The following CCDC150 variants were observed in gnomAD, a reference collection of about 807,000 sequenced individuals.
CCDC150 encodes the protein coiled-coil domain containing 150, also known as coiled-coil domain-containing protein 150.
In CCDC150, 151 loss-of-function variants were observed where a neutral mutation model predicts 156.5. That is an observed-to-expected ratio of 0.97 (90% confidence interval 0.85 to 1.10). The LOEUF is 1.10. CCDC150 is among the 50% of genes least tolerant of loss of function. The probability of loss-of-function intolerance (pLI) is 0.00; values close to 1 mark genes in which losing one functional copy is unlikely to be tolerated. For missense variants in CCDC150, 1,312 were observed against 1,268.1 expected (o/e 1.03, Z -0.53); for synonymous variants, 452 against 429.4 (o/e 1.05, Z -0.65).
chr2:196,728,208 T>G (rs1344493706), intron 22 of CCDC150, among the ~76,000 whole-genome samples: 1 of 152,176 alleles, frequency 6.6e-6, no homozygotes, highest in African/African-American at 2.4e-5. Context: ...TCACAGTGCC[T>G]GAACATAATA....
intron 13 of CCDC150, among the ~76,000 whole-genome samples, chr2:196,684,012 C>T (rs1445513407): frequency 1.3e-5 from 2 of 151,490 alleles, no homozygotes; most frequent in African/African-American, 4.8e-5. Flanking sequence ...ATCTTGTTAC[C>T]TTCTTTATGT....
intron 2 of CCDC150, among the ~76,000 whole-genome samples, chr2:196,646,829 G>T (rs991745482): frequency 2.4e-5 from 2 of 83,868 alleles, no homozygotes; most frequent in Non-Finnish European, 5.7e-5. Flanking sequence ...AATAAAAAGA[G>T]ACATATTAAG....
At chr2:196,671,095 CTTGGTG>C (rs1169557778) in intron 8 of CCDC150, among the ~76,000 whole-genome samples, 3 of 152,138 alleles carry the variant, frequency 2.0e-5, no homozygotes, top group African/African-American at 4.8e-5. Flanking sequence ...AGGGTTCACT[CTTGGTG>C]TTGTGCATTC....
chr2:196,668,103 C>T (rs1223979245), intron 7 of CCDC150, among the ~76,000 whole-genome samples: 1 of 152,046 alleles, frequency 6.6e-6, no homozygotes, highest in Non-Finnish European at 1.5e-5. Flanking sequence ...TTGAGACCAT[C>T]CTGGCTAACA....
chr2:196,668,881 G>A (rs1350651850), intron 7 of CCDC150, among the ~76,000 whole-genome samples: 5 of 152,046 alleles, frequency 3.3e-5, no homozygotes, highest in Non-Finnish European at 7.4e-5. Context: ...GATGAATTGT[G>A]GATTCATGTG....
intron 1 of CCDC150, among the ~76,000 whole-genome samples, chr2:196,644,136 G>A (rs1357567241): frequency 6.6e-6 from 1 of 152,082 alleles, no homozygotes; most frequent in East Asian, 1.9e-4. Flanking sequence ...CTGCCTAGGA[G>A]CCCTTTTGCA....
At chr2:196,684,053 C>G in intron 13 of CCDC150, among the ~76,000 whole-genome samples, 1 of 151,642 alleles carries the variant, frequency 6.6e-6, no homozygotes, top group East Asian at 1.9e-4. Flanking sequence ...TTTTCTTTGT[C>G]TAGTTTCTAA....
intron 5 of CCDC150, among the ~76,000 whole-genome samples, chr2:196,660,915 T>A (rs757095517): frequency 6.6e-6 from 1 of 152,176 alleles, no homozygotes; most frequent in African/African-American, 2.4e-5. Flanking sequence ...TCTAAGAGAT[T>A]TTATAGGTTT....
chr2:196,697,871 G>A (rs1695929514), intron 14 of CCDC150, among the ~76,000 whole-genome samples: 2 of 152,096 alleles, frequency 1.3e-5, no homozygotes. Context: ...TTGGCAACCT[G>A]TCTTTCATAT....
At chr2:196,644,326 C>G (rs141624782) in intron 1 of CCDC150, among the ~76,000 whole-genome samples, 328 of 152,234 alleles carry the variant, frequency 2.2e-3, no homozygotes, top group African/African-American at 7.6e-3. Context: ...TGATTTATCT[C>G]TAGGTCAGTA....
intron 1 of CCDC150, 72 bp from the exon 2 acceptor site, chr2:196,646,269 C>A: frequency 7.1e-7 from 1 of 1,403,926 alleles, no homozygotes; most frequent in South Asian, 1.2e-5. Flanking sequence ...CTAATCCTGG[C>A]ACAGGAATGG....
chr2:196,725,147 GGA>G (rs1698139083), intron 21 of CCDC150, among the ~76,000 whole-genome samples: 1 of 152,154 alleles, frequency 6.6e-6, no homozygotes, highest in Non-Finnish European at 1.5e-5. Flanking sequence ...ATGGTCAGGA[GGA>G]GAGAGAGGGA....
At chr2:196,714,576 C>T (rs995599715) in intron 17 of CCDC150, among the ~76,000 whole-genome samples, 14 of 152,126 alleles carry the variant, frequency 9.2e-5, no homozygotes, top group African/African-American at 3.1e-4. Flanking sequence ...GCTTCCCGGT[C>T]GCAAGACCCA....
chr2:196,725,505 A>G (rs949205870), intron 21 of CCDC150, among the ~76,000 whole-genome samples: 1 of 152,222 alleles, frequency 6.6e-6, no homozygotes, highest in African/African-American at 2.4e-5. Context: ...TAAGGAAACA[A>G]TATTATTACA....
chr2:196,661,132 A>G (rs1693533062), intron 5 of CCDC150, among the ~76,000 whole-genome samples: 1 of 152,176 alleles, frequency 6.6e-6, no homozygotes, highest in Non-Finnish European at 1.5e-5. Context: ...GTTCTATGAT[A>G]AAGTCTTGAA....
At chr2:196,682,190 G>A (rs561786632) in intron 13 of CCDC150, among the ~76,000 whole-genome samples, 54 of 152,076 alleles carry the variant, frequency 3.6e-4, no homozygotes, top group African/African-American at 1.2e-3. Context: ...ACAATTGTCC[G>A]AGTACTGTTC....
chr2:196,688,588 GTTGT>G (rs1210373930), intron 13 of CCDC150, among the ~76,000 whole-genome samples: 1 of 152,078 alleles, frequency 6.6e-6, no homozygotes, highest in Admixed American at 6.5e-5. Context: ...TTTTGATGGG[GTTGT>G]TTGTTTTTTT....
At chr2:196,696,533 A>G (rs1211810715) in intron 14 of CCDC150, among the ~76,000 whole-genome samples, 3 of 152,162 alleles carry the variant, frequency 2.0e-5, no homozygotes, top group African/African-American at 7.2e-5. Context: ...ACTTTGACAG[A>G]TCTTGCCAGT....
At chr2:196,650,386 G>A (rs919726406) in intron 2 of CCDC150, among the ~76,000 whole-genome samples, 2 of 152,080 alleles carry the variant, frequency 1.3e-5, no homozygotes, top group African/African-American at 2.4e-5. Flanking sequence ...TGTGGAAGAT[G>A]GTTTGCTAGT....
Sources: allele counts gnomAD v4.1 joint callset (sites outside exome capture counted in the v4.1 genomes callset), GRCh38; gene constraint gnomAD v4.1.1; transcripts MANE v1.5; gene names NCBI Gene and HGNC (gene_info 2026-07-23, HGNC 2026-07-21).